SON: variants seen among roughly 807,000 people sequenced by gnomAD.
The protein encoded by SON is protein SON.
A neutral mutation model predicts 173.3 loss-of-function variants in SON; 4 were observed. That is an observed-to-expected ratio of 0.02 (90% CI 0.01 to 0.05). SON has a LOEUF of 0.05. Ranked by LOEUF, SON falls within the 10% of genes least tolerant of loss-of-function variation. SON has a pLI of 1.00. For missense variants in SON, 2,626 were observed against 3,055.3 expected, an observed-to-expected ratio of 0.86 and a Z score of 3.31; for synonymous variants, 1,190 against 1,105.9, an observed-to-expected ratio of 1.08 and a Z score of -1.51.
Position 33,554,678 on chromosome 21 carries a change from A to G in SON, c.5447A>G (p.Lys1816Arg). 1.9e-6 allele frequency: 3 copies of G among 1,613,966 alleles called. No individual in the cohort carries two copies. Among genetic ancestry groups the G allele is most frequent in the Non-Finnish European group, 2.5e-6 (3 of 1,180,028 alleles). The change falls in exon 3 of 12, where the codon AAG (lysine) becomes AGG (arginine). Residue 1816 changes from lysine to arginine, a missense_variant. By Grantham distance (26) the Lys-to-Arg change is conservative. Around this residue, in one of 13 missense-constraint regions of SON, gnomAD observed 1,006 missense variants for 895.6 expected, o/e 1.12. Coordinates refer to ENST00000356577, the MANE Select transcript of SON (RefSeq NM_138927.4). ...NKNRDKGEKE[K>R]KRDSSLRSRS... is the part of the protein sequence containing the mutation. ...AACCGTGATAAGGGGGAGAAAGAGA[A>G]GAAAAGAGACTCTTCATTAAGATCT...
rs761016170 is a variant in SON at position 33,546,369 on chromosome 21, A to G, written c.234A>G (p.Arg78=). 1.0e-5 allele frequency: 16 copies of G among 1,598,902 alleles called. No homozygotes were observed. The highest frequency in any genetic ancestry group is 4.1e-5 in the African/African-American group (3 of 73,936). The change falls in exon 2 of 12, where the codon CGA becomes CGG. Residue 78 remains arginine, a synonymous_variant. Transcript: ENST00000356577. The stretch of plus-strand genomic sequence containing the variant: ...CTGGGGTCTTAGATACAGAACTACG[A>G]TATAAGCCAGGTAAGTTGGAGATAA... ...VLSGVLDTEL[R]YKPDLKEGSR...
At chr21:33,557,368 T>G in intron 4 of SON, 52 bp downstream of exon 4, 3 of 1,595,656 alleles carry the variant, frequency 1.9e-6, no homozygotes, top group Non-Finnish European at 2.6e-6. Flanking sequence ...TCCAGTGATG[T>G]TGACTCTGGA....
At chr21:33,557,616 G>T in intron 4 of SON, 1 of 1,548,156 alleles carries the variant, frequency 6.5e-7, no homozygotes, top group Non-Finnish European at 8.7e-7. Context: ...TGAGCAACAC[G>T]CAGAAGCTCG....
rs78812665 is a variant in SON at position 33,559,193 on chromosome 21, C to T, written c.6322-37C>T. ...AAGAAATTACATGTTCTACATAAAG[C>T]GTAAGATTTATCTTTTGTTTGTTTT... On this transcript the variant is annotated intron_variant, in intron 4 of 11. Transcript: ENST00000356577. This position sits in a 1 kb window ranked among gnomAD's most constrained non-coding sequence, Gnocchi z 4.1. 1.2e-3 allele frequency: 1,818 copies of T among 1,467,984 alleles called. 21 individuals carry two copies. The African/African-American group carries it at 0.024, about 19-fold the overall frequency. The allele number at this position is 1,467,984 out of a possible 1,614,324, so 90.9% of individuals were successfully genotyped here.
At chr21:33,558,030 ACT>A (rs747929831) in intron 4 of SON, 3 of 167,652 alleles carry the variant, frequency 1.8e-5, no homozygotes, top group Non-Finnish European at 3.9e-5. Flanking sequence ...GAAATACCAC[ACT>A]GTTTCATATA....
Position 33,550,576 on chromosome 21 carries a change from T to C in SON, c.1345T>C (p.Leu449=). 6.2e-7 allele frequency: 1 copy of C among 1,613,456 alleles called. No individual in the cohort carries two copies. The highest frequency in any genetic ancestry group is 8.5e-7 in the Non-Finnish European group (1 of 1,179,858). The change falls in exon 3 of 12, where the codon TTG becomes CTG. Residue 449 remains leucine, a synonymous_variant. Coordinates refer to ENST00000356577, the MANE Select transcript of SON (RefSeq NM_138927.4). ...PGPSVTPVPQ[L]SQELPGLPAP... is the part of the protein sequence containing the mutation. ...GCCCTCTGTGACACCAGTGCCACAG[T>C]TGTCGCAGGAATTGCCAGGGCTTCC...
chr21:33,575,138 C>G (rs950402449), intron 9 of SON, among the ~76,000 whole-genome samples: 4 of 152,058 alleles, frequency 2.6e-5, no homozygotes, highest in African/African-American at 9.7e-5. Flanking sequence ...CAGGTTCAAG[C>G]GATTCTCCTG....
Position 33,550,619 on chromosome 21 carries a change from T to TGGAGCCACCACAGGAGGTACC in SON, c.1389_1409dup (p.Gln467_Pro473dup), listed in dbSNP as rs1331449939. 1.2e-5 allele frequency: 19 copies of TGGAGCCACCACAGGAGGTACC among 1,613,548 alleles called. No homozygotes were observed. Among genetic ancestry groups the TGGAGCCACCACAGGAGGTACC allele is most frequent in the Non-Finnish European group, 1.6e-5 (19 of 1,179,910 alleles). ...GGGCTTCCAGCACCATCCATGGGGT[T>TGGAGCCACCACAGGAGGTACC]GGAGCCACCACAGGAGGTACCAGAG... is the stretch of plus-strand genomic sequence containing the variant. On this transcript the variant is annotated inframe_insertion, in exon 3 of 12. Transcript: ENST00000356577.
In SON at chr21:33,559,872, C is replaced by G. The variant is rs777332499; in HGVS notation, c.6657+97C>G. The G allele has an allele frequency of 6.2e-7, 1 of 1,604,902 alleles. No individual in the cohort carries two copies. The highest frequency in any genetic ancestry group is 8.5e-7 in the Non-Finnish European group (1 of 1,173,750). Reference sequence around the variant, plus strand: ...CTGATTTGGATTCTGTTTCACTCTTCTTAGGGCCGGGTTAAACGGCAGGGC... The same window carrying G: ...CTGATTTGGATTCTGTTTCACTCTTGTTAGGGCCGGGTTAAACGGCAGGGC... On this transcript the variant is annotated intron_variant, in intron 6 of 11. Transcript: ENST00000356577. This position sits in a 1 kb window ranked among gnomAD's most constrained non-coding sequence, Gnocchi z 4.1.
Position 33,554,073 on chromosome 21 carries a change from T to C in SON, c.4842T>C (p.Phe1614=). The C allele has an allele frequency of 6.2e-7, 1 of 1,614,134 alleles. No homozygotes were observed. The highest frequency in any genetic ancestry group is 2.2e-5 in the East Asian group (1 of 44,882). ...DATGTSKGIE[F]TTASTLSLVN... is the part of the protein sequence containing the mutation. Reference sequence around the variant, plus strand: ...CAGGAACTAGTAAGGGTATTGAATTTACCACAGCATCTACTCTCAGTTTAG... The same window carrying C: ...CAGGAACTAGTAAGGGTATTGAATTCACCACAGCATCTACTCTCAGTTTAG... The change falls in exon 3 of 12, where the codon TTT becomes TTC. Residue 1614 remains phenylalanine, a synonymous_variant. Coordinates refer to ENST00000356577, the MANE Select transcript of SON (RefSeq NM_138927.4).
rs919592550 is a variant in SON at position 33,549,978 on chromosome 21, A to C, written c.747A>C (p.Pro249=). 6.2e-7 allele frequency: 1 copy of C among 1,614,152 alleles called. No homozygotes were observed. Among genetic ancestry groups the C allele is most frequent in the African/African-American group, 1.3e-5 (1 of 75,080 alleles). ...TTCTGGATTCCTTTGCAGCAGCACC[A>C]GTGCCTACTACAACACTGGTGTTGA... ...TKILDSFAAA[P]VPTTTLVLKS... is the part of the protein sequence containing the mutation. The change falls in exon 3 of 12, where the codon CCA becomes CCC. Residue 249 remains proline (P), a synonymous_variant. Coordinates refer to ENST00000356577, the MANE Select transcript of SON (RefSeq NM_138927.4).
At position 33,554,769 on chromosome 21, in the gene SON, G is replaced by A; in HGVS notation, c.5538G>A (p.Arg1846=). The change falls in exon 3 of 12, where the codon AGG becomes AGA. Residue 1846 remains arginine (R), a synonymous_variant. Coordinates refer to ENST00000356577, the MANE Select transcript of SON (RefSeq NM_138927.4). Reference sequence around the variant, plus strand: ...AGCGTACCAGTGAATCTCGTTCTAGGGCAAGAAAGAGATCATCTAAGTCCA... The same window carrying A: ...AGCGTACCAGTGAATCTCGTTCTAGAGCAAGAAAGAGATCATCTAAGTCCA... ...SRKRTSESRS[R]ARKRSSKSKS... 10 of 1,613,788 alleles carry A rather than the reference G, an allele frequency of 6.2e-6. No homozygotes were observed. The highest frequency in any genetic ancestry group is 8.5e-6 in the Non-Finnish European group (10 of 1,180,020).
chr21:33,563,327 A>G (rs906366748), intron 6 of SON, among the ~76,000 whole-genome samples: 1 of 152,174 alleles, frequency 6.6e-6, no homozygotes, highest in African/African-American at 2.4e-5. Context: ...TTTAAAGCCA[A>G]CCAAACACAT....
chr21:33,549,928 A>G lies in SON; in HGVS notation c.697A>G (p.Met233Val), dbSNP rs764589154. 51 of 1,614,092 alleles carry G rather than the reference A, an allele frequency of 3.2e-5. No homozygotes were observed. The highest frequency in any genetic ancestry group is 4.2e-5 in the Non-Finnish European group (50 of 1,180,042). ...GCAGTCAGAGCAGTCTGTGGCAGTA[A>G]TGCCAGAACCATCCATGACAAAGAT... ...SEQSEQSVAV[M>V]PEPSMTKILD... Residue 233 changes from methionine to valine, a missense_variant, in exon 3 of 12, where the codon ATG becomes GTG. Physicochemically the swap from Met to Val is conservative, Grantham distance 21. Around this residue, in one of 13 missense-constraint regions of SON, gnomAD observed 757 missense variants for 730.1 expected, o/e 1.04. Coordinates refer to ENST00000356577, the MANE Select transcript of SON (RefSeq NM_138927.4).
chr21:33,562,339 C>G (rs760556830), intron 6 of SON, among the ~76,000 whole-genome samples: 1 of 152,074 alleles, frequency 6.6e-6, no homozygotes, highest in Non-Finnish European at 1.5e-5. Flanking sequence ...GGAGATAGTT[C>G]TTTTAAATGG....
At position 33,553,329 on chromosome 21, in the gene SON, CGTCCTGGAGTCTTCGACTGTGACT is replaced by C. The variant is rs748337491; in HGVS notation, c.4119_4142del (p.Ser1378_Glu1385del). ...CTGTCCTGGAGTCTTCGGCTGTGAC[CGTCCTGGAGTCTTCGACTGTGACT>C]GTCCTGGAGTCTTCGACTGTAACTG... is the stretch of plus-strand genomic sequence containing the variant. On this transcript the variant is annotated inframe_deletion, in exon 3 of 12. Transcript: ENST00000356577. The C allele has an allele frequency of 1.7e-4, 268 of 1,601,644 alleles. No homozygotes were observed. The African/African-American group carries it at 2.7e-3, about 16-fold the overall frequency.
chr21:33,560,175 C>G, intron 6 of SON: 1 of 1,575,522 alleles, frequency 6.3e-7, no homozygotes, highest in Non-Finnish European at 8.6e-7. Flanking sequence ...GGCAGATCCT[C>G]AGGTTCAACA....
chr21:33,551,021 C>T lies in SON; in HGVS notation c.1790C>T (p.Pro597Leu). The T allele has an allele frequency of 1.2e-6, 2 of 1,610,052 alleles. No individual in the cohort carries two copies. The highest frequency in any genetic ancestry group is 1.7e-6 in the Non-Finnish European group (2 of 1,177,888). Residue 597 changes from proline (P) to leucine (L), a missense_variant, in exon 3 of 12, where the codon CCT becomes CTT. By Grantham distance (98) the Pro-to-Leu change is moderately conservative. Coordinates refer to ENST00000356577, the MANE Select transcript of SON (RefSeq NM_138927.4). Reference protein sequence around the residue: ...QPVATGALELPGPLMAAGALE... With the variant: ...QPVATGALELLGPLMAAGALE... ...GTGGCAACTGGGGCACTAGAGTTGCCTGGGCCGCTCATGGCAGCTGGGGCA... is the reference window on the plus strand; with the variant it reads ...GTGGCAACTGGGGCACTAGAGTTGCTTGGGCCGCTCATGGCAGCTGGGGCA...
In SON at chr21:33,559,899, G is replaced by C. The variant is rs767429274; in HGVS notation, c.6657+124G>C. On this transcript the variant is annotated intron_variant, in intron 6 of 11. Coordinates refer to ENST00000356577, the MANE Select transcript of SON (RefSeq NM_138927.4). This position sits in a 1 kb window ranked among gnomAD's most constrained non-coding sequence, Gnocchi z 4.1. The stretch of plus-strand genomic sequence containing the variant: ...TAGGGCCGGGTTAAACGGCAGGGCC[G>C]GGTTAGACGACAGATGAAACAACCC... 6.2e-7 allele frequency: 1 copy of C among 1,609,268 alleles called. No individual in the cohort carries two copies. The highest frequency in any genetic ancestry group is 1.7e-5 in the Admixed American group (1 of 59,836).
Sources: allele counts gnomAD v4.1 joint callset (sites outside exome capture counted in the v4.1 genomes callset), GRCh38; gene constraint gnomAD v4.1.1; regional missense constraint gnomAD v4.1.1; non-coding constraint Gnocchi (gnomAD v3.1); transcripts MANE v1.5; gene names NCBI Gene and HGNC (gene_info 2026-07-23, HGNC 2026-07-21).